HEPH: variants seen among roughly 807,000 people sequenced by gnomAD.
The protein encoded by HEPH is hephaestin.
HEPH carries 69 observed loss-of-function variants against 80.8 expected under a neutral mutation model. That is an observed-to-expected ratio of 0.85 (90% CI 0.70 to 1.04). The LOEUF (loss-of-function observed/expected upper bound fraction) is 1.04. HEPH is among the 50% of genes least tolerant of loss of function. The pLI is 0.00. For missense variants in HEPH, 1,115 were observed against 891.3 expected, an observed-to-expected ratio of 1.25 and a Z score of -3.20; for synonymous variants, 431 against 322.8, an observed-to-expected ratio of 1.34 and a Z score of -3.60.
chrX:66,246,425 C>T (rs764656381), intron 15 of HEPH, among the ~76,000 whole-genome samples: 1 of 111,442 alleles, frequency 9.0e-6, no homozygotes, highest in African/African-American at 3.3e-5. Context: ...GGCAGTAGAG[C>T]AATCTTACTC....
chrX:66,177,364 G>A (rs1164992484), intron 4 of HEPH, among the ~76,000 whole-genome samples: 1 of 111,544 alleles, frequency 9.0e-6, no homozygotes, highest in African/African-American at 3.3e-5. Context: ...GACTTTTTTG[G>A]TTGGTAATTT....
At chrX:66,220,712 A>T (rs1488535905) in intron 15 of HEPH, among the ~76,000 whole-genome samples, 1 of 111,350 alleles carries the variant, frequency 9.0e-6, no homozygotes, top group Admixed American at 9.5e-5. Flanking sequence ...CTTCAAGGTG[A>T]CTTGTTTGGG....
chrX:66,266,418 A>ATT (rs376891573), intron 20 of HEPH, 22 bp from the exon 21 acceptor site: 6 of 1,032,076 alleles, frequency 5.8e-6, no homozygotes, highest in Admixed American at 2.5e-5. Flanking sequence ...CAGGATGCCC[A>ATT]TTTTTTTTTT....
At chrX:66,180,115 C>T (rs2087029228) in intron 4 of HEPH, among the ~76,000 whole-genome samples, 1 of 111,060 alleles carries the variant, frequency 9.0e-6, no homozygotes, top group Non-Finnish European at 1.9e-5. Flanking sequence ...TAGCATTCAT[C>T]ATGCTATTTG....
chrX:66,256,869 C>G (rs775246817), intron 17 of HEPH, among the ~76,000 whole-genome samples: 8 of 111,903 alleles, frequency 7.1e-5, no homozygotes, highest in Non-Finnish European at 1.5e-4. Flanking sequence ...ATGTCAGATA[C>G]AAGGAAGAAC....
At position 66,198,992 on chromosome X, in the gene HEPH, G is replaced by C. The variant is rs1489261802; in HGVS notation, c.1828G>C (p.Asp610His). ...AMLDFRLLSE[D>H]IEGFQDSNRM... is the part of the protein sequence containing the mutation. ...GTTGGATTTCCGACTGCTTTCAGAG[G>C]ATATTGAGGGCTTCCAAGACTCCAA... Residue 610 changes from aspartate to histidine, a missense_variant, in exon 11 of 21, where the codon GAT (aspartate) becomes CAT (histidine). Coordinates refer to ENST00000343002, the MANE Select transcript of HEPH (RefSeq NM_001367233.3). The C allele has an allele frequency of 7.4e-6, 9 of 1,211,430 alleles. No homozygotes were observed. In the South Asian group the frequency reaches 1.6e-4, roughly 21 times the overall value.
At chrX:66,245,712 T>C (rs1478849414) in intron 15 of HEPH, among the ~76,000 whole-genome samples, 1 of 111,539 alleles carries the variant, frequency 9.0e-6, no homozygotes, top group African/African-American at 3.3e-5. Flanking sequence ...TATTCCAAAA[T>C]TGACCACATA....
chrX:66,191,956 T>A (rs1221201509), intron 6 of HEPH, among the ~76,000 whole-genome samples, 174 bp from the exon 7 acceptor site: 1 of 111,265 alleles, frequency 9.0e-6, no homozygotes, highest in African/African-American at 3.3e-5. Flanking sequence ...TACCCTGGAC[T>A]CTCTCTCTCA....
At chrX:66,261,251 T>C (rs2091351749) in intron 19 of HEPH, among the ~76,000 whole-genome samples, 1 of 112,035 alleles carries the variant, frequency 8.9e-6, no homozygotes, top group African/African-American at 3.2e-5. Flanking sequence ...GAAAGAGAGA[T>C]TGTCCTTCAG....
At chrX:66,228,578 G>A (rs970389612) in intron 15 of HEPH, among the ~76,000 whole-genome samples, 1 of 112,304 alleles carries the variant, frequency 8.9e-6, no homozygotes, top group Non-Finnish European at 1.9e-5. Context: ...GAAATAATCA[G>A]TAGAATAAAC....
intron 13 of HEPH, among the ~76,000 whole-genome samples, chrX:66,205,649 G>A (rs908741441): frequency 9.3e-6 from 1 of 106,991 alleles, no homozygotes; most frequent in Non-Finnish European, 1.9e-5. Context: ...AGGCTGGAGT[G>A]CAGTGGTGTG....
chrX:66,183,423 G>A (rs1296933512), intron 4 of HEPH, among the ~76,000 whole-genome samples: 1 of 30,097 alleles, frequency 3.3e-5, no homozygotes, highest in Non-Finnish European at 4.6e-5. Context: ...TCCTGGTTTA[G>A]TCTTGGGAGA....
Position 66,164,412 on chromosome X carries a change from C to G in HEPH, c.-72C>G, listed in dbSNP as rs761070652. On this transcript the variant is annotated 5_prime_UTR_variant, in exon 1 of 21. Coordinates refer to ENST00000343002, the MANE Select transcript of HEPH (RefSeq NM_001367233.3). ...ATGGCTGGCGGACTCAGGCTGGGGT[C>G]TGCAGTGCAGCATTAATGGGCCGCT... is the stretch of plus-strand genomic sequence containing the variant. 301 of 751,364 alleles carry G rather than the reference C, an allele frequency of 4.0e-4. 1 individual carries two copies. The African/African-American group carries it at 6.5e-3, about 16-fold the overall frequency. 61.9% of individuals were successfully genotyped at this position (751,364 alleles called of 1,213,427 possible).
intron 7 of HEPH, among the ~76,000 whole-genome samples, chrX:66,193,285 A>C (rs938132633): frequency 1.8e-5 from 2 of 109,701 alleles, no homozygotes; most frequent in Admixed American, 2.0e-4. Flanking sequence ...TCCTCTGGAT[A>C]TGAGTTTCCT....
chrX:66,264,362 G>A (rs1175422635), intron 20 of HEPH, among the ~76,000 whole-genome samples: 1 of 108,214 alleles, frequency 9.2e-6, no homozygotes, highest in Non-Finnish European at 1.9e-5. Context: ...TCCCCCCTAG[G>A]GACAGTATGA....
At chrX:66,253,531 T>A (rs150352366) in intron 15 of HEPH, among the ~76,000 whole-genome samples, 200 of 112,393 alleles carry the variant, frequency 1.8e-3, no homozygotes, top group African/African-American at 6.0e-3. Context: ...TGCAAAATGG[T>A]GCACGTGCTT....
Position 66,263,694 on chromosome X carries a change from T to C in HEPH, c.3244+6T>C. The C allele has an allele frequency of 8.3e-7, 1 of 1,205,490 alleles. No homozygotes were observed. Among genetic ancestry groups the C allele is most frequent in the Non-Finnish European group, 1.1e-6 (1 of 890,424 alleles). The stretch of plus-strand genomic sequence containing the variant: ...CACCAAAGAGACTGAAAAAGGTACG[T>C]AAAATGATGCACAGACTGGGTACTT... On this transcript the variant is annotated splice_donor_region_variant and intron_variant, in intron 20 of 20. Coordinates refer to ENST00000343002, the MANE Select transcript of HEPH (RefSeq NM_001367233.3).
intron 17 of HEPH, among the ~76,000 whole-genome samples, chrX:66,256,706 CTTATT>C (rs749087375): frequency 4.6e-4 from 51 of 112,004 alleles, no homozygotes; most frequent in Non-Finnish European, 3.4e-4. Context: ...CCAATATCAT[CTTATT>C]TATTTACCAC....
chrX:66,222,659 G>A (rs10482096), intron 15 of HEPH, among the ~76,000 whole-genome samples: 6,672 of 111,393 alleles, frequency 0.06, 466 homozygotes, highest in African/African-American at 0.21. Flanking sequence ...CATTTGGGGA[G>A]CAAGACTCCT....
Sources: gnomAD v4.1 joint callset for allele counts (sites outside exome capture counted in the v4.1 genomes callset) on GRCh38, gnomAD v4.1.1 for gene constraint, MANE v1.5 for transcripts, NCBI Gene and HGNC (gene_info 2026-07-23, HGNC 2026-07-21) for gene names.